The following SLC35D4 variants were observed in gnomAD, a reference collection of about 807,000 sequenced individuals.
SLC35D4 encodes UDP-N-acetylglucosamine transporter SLC35D4.
the SLC35D4 span, among the ~76,000 whole-genome samples, chr18:23,353,120 T>TGTGTGTGTGTGTGTGTGTGTGTGTGC: frequency 6.9e-6 from 1 of 145,964 alleles, no homozygotes; most frequent in Non-Finnish European, 1.5e-5. Context: ...TGTGTGTGTG[T>TGTGTGTGTGTGTGTGTGTGTGTGTGC]GTATGTGAGA....
At chr18:23,277,030 A>G in the SLC35D4 span, among the ~76,000 whole-genome samples, 3 of 152,072 alleles carry the variant, frequency 2.0e-5, no homozygotes, top group Non-Finnish European at 2.9e-5. Context: ...ACTAATAGCC[A>G]TTTCTTTTTT....
the SLC35D4 span, among the ~76,000 whole-genome samples, chr18:23,367,614 C>T: frequency 1.3e-5 from 2 of 152,146 alleles, no homozygotes; most frequent in African/African-American, 2.4e-5. Flanking sequence ...GGGGCAAGAA[C>T]CATATTTTAT....
At chr18:23,245,747 C>T in the SLC35D4 span, among the ~76,000 whole-genome samples, 1 of 152,232 alleles carries the variant, frequency 6.6e-6, no homozygotes, top group Non-Finnish European at 1.5e-5. Context: ...TCTCCTTTCC[C>T]TGTACGCAGC....
chr18:23,313,997 A>G, the SLC35D4 span, among the ~76,000 whole-genome samples: 148 of 152,286 alleles, frequency 9.7e-4, no homozygotes, highest in Admixed American at 2.9e-3. Flanking sequence ...AGGACTAATA[A>G]TCCAGAAGGA....
At chr18:23,303,502 T>C in the SLC35D4 span, among the ~76,000 whole-genome samples, 1 of 152,256 alleles carries the variant, frequency 6.6e-6, no homozygotes, top group Non-Finnish European at 1.5e-5. Flanking sequence ...TGTCTTACTC[T>C]TAGCTCTCAC....
chr18:23,363,782 C>T, the SLC35D4 span, among the ~76,000 whole-genome samples: 1 of 152,152 alleles, frequency 6.6e-6, no homozygotes, highest in Non-Finnish European at 1.5e-5. Flanking sequence ...AACTAAAAGG[C>T]AGACAACCAG....
At chr18:23,382,162 C>G in the SLC35D4 span, among the ~76,000 whole-genome samples, 1 of 151,178 alleles carries the variant, frequency 6.6e-6, no homozygotes, top group Non-Finnish European at 1.5e-5. Context: ...ATCGCTTGAA[C>G]CCGGGCAGCG....
At chr18:23,268,410 G>C in the SLC35D4 span, among the ~76,000 whole-genome samples, 1 of 152,120 alleles carries the variant, frequency 6.6e-6, no homozygotes, top group Non-Finnish European at 1.5e-5. Context: ...TCTTAGTAGG[G>C]CTAGCTGAAG....
chr18:23,404,351 A>C, the SLC35D4 span, among the ~76,000 whole-genome samples: 7 of 152,310 alleles, frequency 4.6e-5, no homozygotes, highest in East Asian at 1.4e-3. Context: ...ATAAGGGCAG[A>C]GCCTTCATGA....
chr18:23,400,316 C>G, the SLC35D4 span, among the ~76,000 whole-genome samples: 5 of 152,182 alleles, frequency 3.3e-5, no homozygotes, highest in Non-Finnish European at 7.3e-5. Context: ...ACCTGCTTCT[C>G]TCATCAGTTA....
the SLC35D4 span, among the ~76,000 whole-genome samples, chr18:23,349,415 G>C: frequency 5.2e-3 from 794 of 152,280 alleles, 4 homozygotes; most frequent in Non-Finnish European, 8.1e-3. Flanking sequence ...GGTGGATCAC[G>C]AGGTCAGATA....
the SLC35D4 span, among the ~76,000 whole-genome samples, chr18:23,288,972 C>T: frequency 3.3e-5 from 5 of 152,318 alleles, no homozygotes; most frequent in East Asian, 1.9e-4. Flanking sequence ...GGCCTGTCCT[C>T]GGAATGCTAC....
At chr18:23,241,284 G>C in the SLC35D4 span, among the ~76,000 whole-genome samples, 1 of 152,072 alleles carries the variant, frequency 6.6e-6, no homozygotes, top group Non-Finnish European at 1.5e-5. Context: ...CACTTTGGGA[G>C]GCCGAGGTGG....
the SLC35D4 span, among the ~76,000 whole-genome samples, chr18:23,263,058 C>G: frequency 6.6e-6 from 1 of 152,224 alleles, no homozygotes; most frequent in African/African-American, 2.4e-5. Flanking sequence ...TGCACCTGTC[C>G]TCATTTAACC....
the SLC35D4 span, among the ~76,000 whole-genome samples, chr18:23,354,904 G>A: frequency 7.2e-6 from 1 of 139,848 alleles, no homozygotes; most frequent in Non-Finnish European, 1.6e-5. Flanking sequence ...TGCACTTTCA[G>A]CCCATCTACC....
the SLC35D4 span, among the ~76,000 whole-genome samples, chr18:23,356,177 C>T: frequency 4.6e-5 from 7 of 152,092 alleles, no homozygotes; most frequent in Non-Finnish European, 1.0e-4. This position sits in a 1 kb window ranked among gnomAD's most constrained non-coding sequence, Gnocchi z 4.1. Context: ...TTGGAGGTTG[C>T]CTTAAGGAGC....
chr18:23,283,469 C>G, the SLC35D4 span, among the ~76,000 whole-genome samples: 2 of 81,396 alleles, frequency 2.5e-5, no homozygotes, highest in Non-Finnish European at 4.2e-5. Flanking sequence ...GAGACCCAGT[C>G]TCAAAAAAAA....
chr18:23,327,488 A>G, the SLC35D4 span, among the ~76,000 whole-genome samples: 1 of 152,182 alleles, frequency 6.6e-6, no homozygotes, highest in Non-Finnish European at 1.5e-5. Flanking sequence ...CACCCTCCCA[A>G]GACTAAACCA....
At chr18:23,285,440 A>C in the SLC35D4 span, among the ~76,000 whole-genome samples, 1 of 152,150 alleles carries the variant, frequency 6.6e-6, no homozygotes, top group Admixed American at 6.5e-5. Context: ...CAAACTGGAC[A>C]GTAGTTCCAA....
Sources: allele counts gnomAD v4.1 joint callset (sites outside exome capture counted in the v4.1 genomes callset), GRCh38; gene constraint gnomAD v4.1.1; non-coding constraint Gnocchi (gnomAD v3.1); transcripts MANE v1.5; gene names NCBI Gene and HGNC (gene_info 2026-07-23, HGNC 2026-07-21).